ITGA1: variants seen among roughly 807,000 people sequenced by gnomAD.
The protein encoded by ITGA1 is integrin alpha-1.
In ITGA1, 85 loss-of-function variants were observed where a neutral mutation model predicts 145.9. The ratio of observed to expected loss-of-function variants is 0.58; its 90% CI spans 0.49 to 0.70. The LOEUF is 0.70. ITGA1 is among the 30% of genes least tolerant of loss of function. The pLI is 0.00. For missense variants in ITGA1, 1,351 were observed against 1,418.7 expected (o/e 0.95, Z 0.77); for synonymous variants, 520 against 495.3 (o/e 1.05, Z -0.66).
chr5:52,822,927 G>T (rs192289796), intron 1 of ITGA1, among the ~76,000 whole-genome samples: 2 of 152,266 alleles, frequency 1.3e-5, no homozygotes. Flanking sequence ...GGGCATCAGT[G>T]TTCTCATCAT....
At position 52,818,353 on chromosome 5, in the gene ITGA1, G is replaced by A. The variant is rs1360509039; in HGVS notation, c.61+29939G>A. On this transcript the variant is annotated intron_variant, in intron 1 of 28. Coordinates refer to ENST00000282588, the MANE Select transcript of ITGA1 (RefSeq NM_181501.2). ...CTAACATATGCTTATTTGCACATTA[G>A]GGTTTACTGTTTTTCTGTGATAGAC... is the stretch of plus-strand genomic sequence containing the variant. Among the ~76,000 whole-genome samples the A allele has an allele frequency of 2.6e-5, 4 of 152,130 alleles. No individual in the cohort carries two copies. In the East Asian group the frequency reaches 7.7e-4, roughly 29 times the overall value.
At chr5:52,944,906 C>T (rs1435201544) in intron 26 of ITGA1, 37 bp from the exon 27 acceptor site, 2 of 1,359,236 alleles carry the variant, frequency 1.5e-6, no homozygotes, top group Non-Finnish European at 2.1e-6. Context: ...TTTTGATTAG[C>T]ATCATATATT....
At chr5:52,950,056 C>A (rs1579737639) in intron 28 of ITGA1, among the ~76,000 whole-genome samples, 1 of 152,262 alleles carries the variant, frequency 6.6e-6, no homozygotes, top group South Asian at 2.1e-4. Context: ...TCATCATACA[C>A]ATGGCAAAAA....
chr5:52,846,995 T>G (rs762943615), intron 1 of ITGA1, among the ~76,000 whole-genome samples: 8 of 152,220 alleles, frequency 5.3e-5, no homozygotes, highest in African/African-American at 9.6e-5. Context: ...ACTGCCCATC[T>G]GTGTACAAGG....
At position 52,861,461 on chromosome 5, in the gene ITGA1, C is replaced by T. The variant is rs779153979; in HGVS notation, c.197C>T (p.Ser66Phe). The T allele has an allele frequency of 6.2e-7, 1 of 1,611,892 alleles. No homozygotes were observed. Among genetic ancestry groups the T allele is most frequent in the East Asian group, 2.2e-5 (1 of 44,856 alleles). The change falls in exon 3 of 29, where the codon TCT becomes TTT. Residue 66 changes from serine (S) to phenylalanine (F), a missense_variant. Coordinates refer to ENST00000282588, the MANE Select transcript of ITGA1 (RefSeq NM_181501.2). ...NEEGKWVLIG[S>F]PLVGQPKNRT... ...TTAACTTCCAGGGTGCTTATTGGTT[C>T]TCCGTTAGTTGGCCAACCCAAAAAC...
chr5:52,800,332 C>A (rs918613489), intron 1 of ITGA1: 3 of 1,589,988 alleles, frequency 1.9e-6, no homozygotes, highest in Admixed American at 1.7e-5. Flanking sequence ...ATCCCCTCTC[C>A]CGGGGCGGAG....
chr5:52,858,961 A>G (rs1477352566), intron 2 of ITGA1, among the ~76,000 whole-genome samples: 1 of 152,188 alleles, frequency 6.6e-6, no homozygotes, highest in Non-Finnish European at 1.5e-5. Context: ...TCCTAACCAT[A>G]TAGCTAAGTG....
rs530677669 is a variant in ITGA1, at chr5:52,898,500, T to C, written c.1309+117T>C. 3.8e-5 allele frequency: 35 copies of C among 914,328 alleles called. No homozygotes were observed. In the East Asian group the frequency reaches 8.3e-4, roughly 22 times the overall value. The allele number at this position is 914,328 out of a possible 1,614,324, so 56.6% of individuals were successfully genotyped here. Reference sequence around the variant, plus strand: ...CATATAGCAGGATTATTTCAACAAGTTGGGTATTTTCCAGAACCCATGCAA... The same window carrying C: ...CATATAGCAGGATTATTTCAACAAGCTGGGTATTTTCCAGAACCCATGCAA... On this transcript the variant is annotated intron_variant, in intron 11 of 28. Coordinates refer to ENST00000282588, the MANE Select transcript of ITGA1 (RefSeq NM_181501.2).
chr5:52,922,836 A>G lies in ITGA1; in HGVS notation c.2352A>G (p.Pro784=). Reference sequence around the variant, plus strand: ...CGTTGGACTTTAATCTTACCGATCCAGAAAATGGGCCTGTTCTTGATGATT... The same window carrying G: ...CGTTGGACTTTAATCTTACCGATCCGGAAAATGGGCCTGTTCTTGATGATT... The part of the protein sequence containing the change: ...RITLDFNLTD[P]ENGPVLDDSL... The change falls in exon 18 of 29, where the codon CCA becomes CCG. Residue 784 remains proline, a synonymous_variant. Transcript: ENST00000282588. The G allele has an allele frequency of 1.2e-6, 2 of 1,613,574 alleles. No individual in the cohort carries two copies. The highest frequency in any genetic ancestry group is 2.2e-5 in the East Asian group (1 of 44,878).
In ITGA1 at chr5:52,849,385, T is replaced by C; in HGVS notation, c.82T>C (p.Ser28Pro). Reference sequence around the variant, plus strand: ...TAAAGTTGTTCTACGCTGCTGCGTATCATTCAATGTTGATGTGAAAAATTC... The same window carrying C: ...TAAAGTTGTTCTACGCTGCTGCGTACCATTCAATGTTGATGTGAAAAATTC... ...LLTVVLRCCV[S>P]FNVDVKNSMT... Residue 28 changes from serine to proline, a missense_variant, in exon 2 of 29, where the codon TCA becomes CCA. Physicochemically the swap from Ser to Pro is moderately conservative, Grantham distance 74. Transcript: ENST00000282588. 6.2e-7 allele frequency: 1 copy of C among 1,611,116 alleles called. No individual in the cohort carries two copies. Among genetic ancestry groups the C allele is most frequent in the Non-Finnish European group, 8.5e-7 (1 of 1,178,348 alleles).
intron 14 of ITGA1, among the ~76,000 whole-genome samples, chr5:52,912,410 A>G (rs2111858195): frequency 6.8e-6 from 1 of 146,262 alleles, no homozygotes; most frequent in East Asian, 2.1e-4. Context: ...TATGTATTAT[A>G]TATAGTGTAT....
intron 1 of ITGA1, among the ~76,000 whole-genome samples, chr5:52,843,246 A>G (rs1393224524): frequency 6.6e-6 from 1 of 152,144 alleles, no homozygotes; most frequent in Non-Finnish European, 1.5e-5. Flanking sequence ...TTCATTCCTT[A>G]TGTTAAAAAT....
chr5:52,833,094 A>G (rs1275002529), intron 1 of ITGA1, among the ~76,000 whole-genome samples: 1 of 151,754 alleles, frequency 6.6e-6, no homozygotes, highest in Non-Finnish European at 1.5e-5. Flanking sequence ...TGGGAGGCTG[A>G]TGTGGGAGGA....
rs139952827 is a variant in ITGA1 at position 52,952,436 on chromosome 5, G to T, written c.3525G>T (p.Lys1175Asn). 318 of 1,394,754 alleles carry T rather than the reference G, an allele frequency of 2.3e-4. No individual in the cohort carries two copies. In the African/African-American group the frequency reaches 4.2e-3, roughly 19 times the overall value. The allele number at this position is 1,394,754 out of a possible 1,614,324, so 86.4% of individuals were successfully genotyped here. A position where few individuals can be genotyped will look rare whatever the true frequency, so the allele number is the denominator to read the frequency against. ...KIGFFKRPLK[K>N]KMEK ...GATTCTTCAAAAGACCACTGAAAAA[G>T]AAAATGGAGAAATGAAATATTTTAT... Residue 1175 changes from lysine to asparagine, a missense_variant, in exon 29 of 29, where the codon AAG becomes AAT. Transcript: ENST00000282588.
rs1172458822 is a variant in ITGA1, at chr5:52,911,933, CTACTATATA to C, written c.1857+1535_1857+1543del. On this transcript the variant is annotated intron_variant, in intron 14 of 28. Coordinates refer to ENST00000282588, the MANE Select transcript of ITGA1 (RefSeq NM_181501.2). ...TATATATATTATATATATAGTGTAT[CTACTATATA>C]TACTATATATACTATATATAGTGTA... Among the ~76,000 whole-genome samples the C allele has an allele frequency of 9.3e-4, 118 of 126,358 alleles. 1 individual carries two copies. The highest frequency in any genetic ancestry group is 3.6e-3 in the Admixed American group (41 of 11,506). 82.9% of individuals were successfully genotyped at this position (126,358 alleles called of 152,430 possible).
At chr5:52,809,964 A>T (rs1028864051) in intron 1 of ITGA1, among the ~76,000 whole-genome samples, 11 of 152,210 alleles carry the variant, frequency 7.2e-5, no homozygotes, top group South Asian at 2.1e-4. Flanking sequence ...ATGAAAATCA[A>T]ATACAGACCA....
In ITGA1 at chr5:52,952,948, G is replaced by A. The variant is rs1191686644; in HGVS notation, c.*497G>A. The stretch of plus-strand genomic sequence containing the variant: ...ATTCAAATGAGAATATTTTCCCTTG[G>A]TAGAATCCATATACAATATGGATTG... On this transcript the variant is annotated 3_prime_UTR_variant, in exon 29 of 29. Coordinates refer to ENST00000282588, the MANE Select transcript of ITGA1 (RefSeq NM_181501.2). 1 of 152,104 alleles carries A rather than the reference G, an allele frequency of 6.6e-6. No individual in the cohort carries two copies. Among genetic ancestry groups the A allele is most frequent in the Non-Finnish European group, 1.5e-5 (1 of 68,054 alleles). The allele number at this position is 152,104 out of a possible 1,614,324, so 9.4% of individuals were successfully genotyped here. A position where few individuals can be genotyped will look rare whatever the true frequency, so the allele number is the denominator to read the frequency against.
chr5:52,834,450 G>GGA (rs150091833), intron 1 of ITGA1, among the ~76,000 whole-genome samples: 2 of 150,254 alleles, frequency 1.3e-5, no homozygotes, highest in African/African-American at 4.9e-5. Flanking sequence ...GAAAGGGGGT[G>GGA]GAGAGAGAGA....
intron 6 of ITGA1, among the ~76,000 whole-genome samples, chr5:52,872,326 A>G (rs998686146): frequency 2.6e-5 from 4 of 152,088 alleles, no homozygotes; most frequent in African/African-American, 7.2e-5. Context: ...GGGGTAGGGA[A>G]TGGGGTGAAT....
Sources: gnomAD v4.1 joint callset for allele counts (sites outside exome capture counted in the v4.1 genomes callset) on GRCh38, gnomAD v4.1.1 for gene constraint, MANE v1.5 for transcripts, NCBI Gene and HGNC (gene_info 2026-07-23, HGNC 2026-07-21) for gene names.